The following AHCYL2 variants were observed in gnomAD, a reference collection of about 807,000 sequenced individuals.
AHCYL2 encodes S-adenosylhomocysteine hydrolase-like protein 2.
In AHCYL2, 28 loss-of-function variants were observed where a neutral mutation model predicts 81.4. That is an observed-to-expected ratio of 0.34 (90% CI 0.25 to 0.47). The LOEUF is 0.47. Among genes scored for constraint, AHCYL2 ranks in the 20% least tolerant of loss-of-function variants. AHCYL2 has a pLI of 1.00. For synonymous variants in AHCYL2, 272 were observed against 290.2 expected, an observed-to-expected ratio of 0.94 and a Z score of 0.64; for missense variants, 551 against 785.1, an observed-to-expected ratio of 0.70 and a Z score of 3.56.
At chr7:129,289,456 G>A (rs568383835) in intron 1 of AHCYL2, among the ~76,000 whole-genome samples, 5 of 152,284 alleles carry the variant, frequency 3.3e-5, no homozygotes, top group African/African-American at 1.2e-4. Flanking sequence ...AAATCATTAA[G>A]AGCTATACAA....
chr7:129,332,053 A>G (rs1373176480), intron 1 of AHCYL2, among the ~76,000 whole-genome samples: 2 of 151,954 alleles, frequency 1.3e-5, no homozygotes, highest in Non-Finnish European at 2.9e-5. Flanking sequence ...CTCAATTACT[A>G]TATTTAATGA....
At chr7:129,341,967 A>G (rs962504492) in intron 1 of AHCYL2, among the ~76,000 whole-genome samples, 11 of 152,210 alleles carry the variant, frequency 7.2e-5, no homozygotes, top group Admixed American at 2.6e-4. Context: ...AGTAATTACA[A>G]CCATTAAACC....
chr7:129,299,369 G>GTTTTTTTTT lies in AHCYL2; in HGVS notation c.363+73964_363+73972dup, dbSNP rs71162592. On this transcript the variant is annotated intron_variant, in intron 1 of 16. Coordinates refer to ENST00000325006, the MANE Select transcript of AHCYL2 (RefSeq NM_015328.4). ...AGGCTGAGGTGGGAGAGTCCAACTT[G>GTTTTTTTTT]TTTTTTTTTTTTTTTTTTTTTTTTT... Among the ~76,000 whole-genome samples, 46 of 46,306 alleles carry GTTTTTTTTT rather than the reference G, an allele frequency of 9.9e-4. 10 individuals carry two copies. Among genetic ancestry groups the GTTTTTTTTT allele is most frequent in the East Asian group, 5.4e-3 (6 of 1,104 alleles). 30.4% of individuals were successfully genotyped at this position (46,306 alleles called of 152,430 possible).
chr7:129,289,569 A>G (rs1326949290), intron 1 of AHCYL2, among the ~76,000 whole-genome samples: 3 of 152,222 alleles, frequency 2.0e-5, no homozygotes, highest in South Asian at 4.1e-4. Flanking sequence ...GTGGTATAAT[A>G]CATATTGGAA....
At chr7:129,312,197 A>G (rs1319419205) in intron 1 of AHCYL2, among the ~76,000 whole-genome samples, 1 of 151,938 alleles carries the variant, frequency 6.6e-6, no homozygotes, top group African/African-American at 2.4e-5. Context: ...TGATTCTCTC[A>G]GCTCAACCTC....
At chr7:129,248,676 T>C (rs1462254848) in intron 1 of AHCYL2, among the ~76,000 whole-genome samples, 2 of 151,330 alleles carry the variant, frequency 1.3e-5, no homozygotes, top group Non-Finnish European at 2.9e-5. Context: ...AATTTCCACA[T>C]AGATTTTAGG....
intron 1 of AHCYL2, among the ~76,000 whole-genome samples, chr7:129,229,219 C>T (rs997141903): frequency 6.6e-6 from 1 of 152,148 alleles, no homozygotes; most frequent in African/African-American, 2.4e-5. Flanking sequence ...AGGCATGCAC[C>T]ACCATGCCCG....
intron 1 of AHCYL2, among the ~76,000 whole-genome samples, chr7:129,335,550 G>A (rs1798571462): frequency 6.6e-6 from 1 of 152,132 alleles, no homozygotes; most frequent in South Asian, 2.1e-4. Context: ...TTATGGGAAT[G>A]GCTCAGCTGG....
At chr7:129,336,788 C>G (rs963122308) in intron 1 of AHCYL2, among the ~76,000 whole-genome samples, 1 of 152,054 alleles carries the variant, frequency 6.6e-6, no homozygotes, top group South Asian at 2.1e-4. Flanking sequence ...TCACTGTCAC[C>G]CAGGCTGGAG....
intron 1 of AHCYL2, among the ~76,000 whole-genome samples, chr7:129,330,868 C>A (rs1798395315): frequency 6.6e-6 from 1 of 152,202 alleles, no homozygotes; most frequent in South Asian, 2.1e-4. Flanking sequence ...TCTATGAACT[C>A]ATAGATAAAG....
intron 3 of AHCYL2, 79 bp downstream of exon 3, chr7:129,389,278 T>A: frequency 6.5e-7 from 1 of 1,546,380 alleles, no homozygotes; most frequent in Non-Finnish European, 8.8e-7. Context: ...ATGTCTGGGG[T>A]CTGGTAGCTT....
At chr7:129,269,603 G>C (rs1020146993) in intron 1 of AHCYL2, among the ~76,000 whole-genome samples, 1 of 151,566 alleles carries the variant, frequency 6.6e-6, no homozygotes, top group Non-Finnish European at 1.5e-5. Context: ...GTTTTGTTTT[G>C]TTTTGTTTTT....
intron 2 of AHCYL2, 196 bp from the exon 3 acceptor site, chr7:129,388,860 C>A: frequency 1.9e-6 from 1 of 528,434 alleles, no homozygotes; most frequent in South Asian, 3.1e-5. Context: ...CAAGTTAAGG[C>A]TATCCAGGAA....
intron 1 of AHCYL2, among the ~76,000 whole-genome samples, chr7:129,245,285 A>G (rs2150695181): frequency 6.6e-6 from 1 of 152,290 alleles, no homozygotes; most frequent in East Asian, 1.9e-4. Context: ...TCAGCCTCCC[A>G]AAGTGCTGGG....
chr7:129,429,535 T>C lies in AHCYL2; in HGVS notation c.*2490T>C, dbSNP rs1264920248. 1 of 152,228 alleles carries C rather than the reference T, an allele frequency of 6.6e-6. No homozygotes were observed. Among genetic ancestry groups the C allele is most frequent in the African/African-American group, 2.4e-5 (1 of 41,436 alleles). 9.4% of individuals were successfully genotyped at this position (152,228 alleles called of 1,614,324 possible). A position where few individuals can be genotyped will look rare whatever the true frequency, so the allele number is the denominator to read the frequency against. On this transcript the variant is annotated 3_prime_UTR_variant, in exon 17 of 17. Coordinates refer to ENST00000325006, the MANE Select transcript of AHCYL2 (RefSeq NM_015328.4). ...AATATTTTGCCTTCTTTCTTTCTTT[T>C]CTTTTCACCCTTAGAGACAGGGTTT... is the stretch of plus-strand genomic sequence containing the variant.
intron 7 of AHCYL2, among the ~76,000 whole-genome samples, chr7:129,404,060 A>C (rs1307724749): frequency 6.6e-6 from 1 of 151,790 alleles, no homozygotes; most frequent in African/African-American, 2.4e-5. Context: ...TGAAGTCCTC[A>C]TGTTTTCTAG....
intron 1 of AHCYL2, among the ~76,000 whole-genome samples, chr7:129,250,902 C>T (rs781114759): frequency 2.0e-5 from 3 of 152,140 alleles, no homozygotes; most frequent in Non-Finnish European, 4.4e-5. Context: ...AATTACTCAT[C>T]TAAATTTGCA....
intron 1 of AHCYL2, among the ~76,000 whole-genome samples, chr7:129,265,696 T>C (rs73722909): frequency 3.3e-3 from 506 of 152,316 alleles, no homozygotes; most frequent in African/African-American, 0.012. Context: ...GCTTTAACTT[T>C]TGCTTTAAAT....
chr7:129,370,445 C>A (rs1794331327), intron 1 of AHCYL2, among the ~76,000 whole-genome samples: 1 of 152,090 alleles, frequency 6.6e-6, no homozygotes. Flanking sequence ...GCCTGTAATC[C>A]CAGCACTTTG....
Sources: gnomAD v4.1 joint callset for allele counts (sites outside exome capture counted in the v4.1 genomes callset) on GRCh38, gnomAD v4.1.1 for gene constraint, MANE v1.5 for transcripts, NCBI Gene and HGNC (gene_info 2026-07-23, HGNC 2026-07-21) for gene names.